Variants in TBPL1 observed in about 807,000 individuals in gnomAD.
The protein encoded by TBPL1 is TATA-box binding protein like 1, also known as TATA box-binding protein-like 1.
Under a neutral mutation model 22.1 loss-of-function variants are expected in TBPL1, and 4 were observed. The ratio of observed to expected loss-of-function variants is 0.18; its 90% CI spans 0.09 to 0.41. TBPL1 has a LOEUF of 0.41. Ranked by LOEUF, TBPL1 falls within the 10% of genes least tolerant of loss-of-function variation. The pLI, the probability that TBPL1 is intolerant of heterozygous loss-of-function variation, is 1.00. For missense variants in TBPL1, 115 were observed against 222.3 expected (o/e 0.52, Z 3.07); for synonymous variants, 64 against 71.0 (o/e 0.90, Z 0.50).
At chr6:133,960,670 T>C (rs1776005756) in intron 1 of TBPL1, among the ~76,000 whole-genome samples, 1 of 152,230 alleles carries the variant, frequency 6.6e-6, no homozygotes, top group Non-Finnish European at 1.5e-5. Flanking sequence ...ATATTTTTGC[T>C]GTCTCTTTGG....
chr6:133,986,611 G>A (rs2114397016), intron 6 of TBPL1, among the ~76,000 whole-genome samples: 1 of 152,258 alleles, frequency 6.6e-6, no homozygotes. Context: ...GAAGCCAGAT[G>A]ATAGTGACTT....
chr6:133,978,688 A>G (rs1776357112), intron 1 of TBPL1, among the ~76,000 whole-genome samples: 1 of 152,196 alleles, frequency 6.6e-6, no homozygotes, highest in Non-Finnish European at 1.5e-5. Context: ...GGTACAATTG[A>G]TACACAGAAT....
At chr6:133,984,881 C>G (rs1277374460) in intron 6 of TBPL1, among the ~76,000 whole-genome samples, 1 of 151,990 alleles carries the variant, frequency 6.6e-6, no homozygotes, top group Non-Finnish European at 1.5e-5. Flanking sequence ...TCTTTTTTCA[C>G]TCAGCATTAT....
intron 6 of TBPL1, chr6:133,985,969 A>G (rs1170328683): frequency 6.6e-6 from 1 of 152,236 alleles, no homozygotes; most frequent in Non-Finnish European, 1.5e-5. Flanking sequence ...TAATAAAACA[A>G]TGCATATGTA....
At chr6:133,965,412 T>A (rs993224526) in intron 1 of TBPL1, among the ~76,000 whole-genome samples, 2 of 152,206 alleles carry the variant, frequency 1.3e-5, no homozygotes, top group Non-Finnish European at 2.9e-5. Context: ...CTAATTTTCC[T>A]GCTTTTTTGC....
At chr6:133,961,465 C>CTTT (rs61695774) in intron 1 of TBPL1, among the ~76,000 whole-genome samples, 143 of 99,926 alleles carry the variant, frequency 1.4e-3, no homozygotes, top group Non-Finnish European at 1.8e-3. Flanking sequence ...TTCTTTCTTT[C>CTTT]TTTTTTTTTT....
In TBPL1 at chr6:133,971,013, T is replaced by C. The variant is rs972587825; in HGVS notation, c.-44-9069T>C. Reference sequence around the variant, plus strand: ...TTACTGTTCACCATGGTCACCCTACTGTGCAACAGAACACCATAACTTATT... The same window carrying C: ...TTACTGTTCACCATGGTCACCCTACCGTGCAACAGAACACCATAACTTATT... On this transcript the variant is annotated intron_variant, in intron 1 of 6. Transcript: ENST00000237264. 2.6e-5 allele frequency among the ~76,000 whole-genome samples: 4 copies of C among 152,222 alleles called. No homozygotes were observed. In the East Asian group the frequency reaches 7.7e-4, roughly 29 times the overall value.
rs2268067 is a variant in TBPL1 at position 133,981,874 on chromosome 6, T to G, written c.136-694T>G. 8.4e-3 allele frequency among the ~76,000 whole-genome samples: 1,280 copies of G among 152,350 alleles called. 38 individuals are homozygous for G. The highest frequency in any genetic ancestry group is 0.062 in the Admixed American group (947 of 15,298). ...TTCTTGGAGCTTAGTCCTTGACCTA[T>G]TTATACACACTCTGTAGTTATTTCA... On this transcript the variant is annotated intron_variant, in intron 2 of 6. Coordinates refer to ENST00000237264, the MANE Select transcript of TBPL1 (RefSeq NM_004865.4).
intron 1 of TBPL1, among the ~76,000 whole-genome samples, chr6:133,958,995 G>T (rs1374421633): frequency 1.3e-5 from 2 of 152,036 alleles, no homozygotes; most frequent in African/African-American, 2.4e-5. Flanking sequence ...AATAGATAGA[G>T]ATATATATTT....
At chr6:133,978,061 T>C (rs187482042) in intron 1 of TBPL1, among the ~76,000 whole-genome samples, 5 of 152,266 alleles carry the variant, frequency 3.3e-5, no homozygotes, top group Middle Eastern at 6.8e-3. Context: ...CTATAGTATT[T>C]TATTTCTGCC....
chr6:133,954,391 C>T (rs929085271), intron 1 of TBPL1, among the ~76,000 whole-genome samples: 1 of 152,226 alleles, frequency 6.6e-6, no homozygotes, highest in African/African-American at 2.4e-5. Flanking sequence ...AAGGTTCAGC[C>T]ATCCTGGCAT....
At position 133,954,306 on chromosome 6, in the gene TBPL1, A is replaced by C. The variant is rs192151470; in HGVS notation, c.-45+881A>C. On this transcript the variant is annotated intron_variant, in intron 1 of 6. Transcript: ENST00000237264. ...AACAGTGCCTTAAAACTGTGACTTA[A>C]GAAAAGGGAGCAGGTTTGCGTGTGT... Among the ~76,000 whole-genome samples, 34 of 152,294 alleles carry C rather than the reference A, an allele frequency of 2.2e-4. 1 individual carries two copies. In the East Asian group the frequency reaches 5.4e-3, roughly 24 times the overall value.
At chr6:133,958,201 GT>G (rs1775959749) in intron 1 of TBPL1, among the ~76,000 whole-genome samples, 1 of 152,158 alleles carries the variant, frequency 6.6e-6, no homozygotes, top group South Asian at 2.1e-4. Context: ...GACTTGACTT[GT>G]TTAGCTGTAT....
Position 133,984,654 on chromosome 6 carries a change from G to C in TBPL1, c.464G>C (p.Gly155Ala). Residue 155 changes from glycine to alanine, a missense_variant, in exon 6 of 7, where the codon GGA becomes GCA. Physicochemically the swap from Gly to Ala is moderately conservative, Grantham distance 60 (BLOSUM62 0). Transcript: ENST00000237264. ...LRATLQIFSTGSITVTGPNVK... is the reference protein window; with the variant it reads ...LRATLQIFSTASITVTGPNVK... ...GCTACATTACAGATTTTTTCAACAG[G>C]AAGTATCACAGTAACAGGTATTCTA... 1 of 1,611,772 alleles carries C rather than the reference G, an allele frequency of 6.2e-7. No homozygotes were observed. The highest frequency in any genetic ancestry group is 8.5e-7 in the Non-Finnish European group (1 of 1,179,286).
At chr6:133,952,765 G>A (rs1775854461), upstream of TBPL1, 1 of 152,160 alleles carries the variant, frequency 6.6e-6, no homozygotes, top group African/African-American at 2.4e-5. The surrounding 1 kb of genome is among the most constrained non-coding windows in gnomAD (Gnocchi z 4.5). Flanking sequence ...ATAATGGGGG[G>A]TGGGGAGGAC....
At chr6:133,973,638 A>G (rs1016335135) in intron 1 of TBPL1, among the ~76,000 whole-genome samples, 4 of 152,236 alleles carry the variant, frequency 2.6e-5, no homozygotes, top group African/African-American at 4.8e-5. Context: ...TTTGAATACC[A>G]CTAGAAAGAG....
At chr6:133,967,222 A>C (rs1362409782) in intron 1 of TBPL1, among the ~76,000 whole-genome samples, 1 of 152,194 alleles carries the variant, frequency 6.6e-6, no homozygotes, top group Non-Finnish European at 1.5e-5. Context: ...TTAGATTTCC[A>C]GTTCATTGTT....
intron 1 of TBPL1, among the ~76,000 whole-genome samples, chr6:133,963,725 T>G (rs1186753519): frequency 6.6e-6 from 1 of 151,978 alleles, no homozygotes; most frequent in Non-Finnish European, 1.5e-5. Flanking sequence ...CCTGTCCTTG[T>G]CTTTTTCTTG....
chr6:133,976,532 T>C (rs1435858624), intron 1 of TBPL1, among the ~76,000 whole-genome samples: 3 of 152,226 alleles, frequency 2.0e-5, no homozygotes, highest in Non-Finnish European at 4.4e-5. Flanking sequence ...TTATTGTTTT[T>C]CTTGTTTTAA....
Sources: gnomAD v4.1 joint callset for allele counts (sites outside exome capture counted in the v4.1 genomes callset) on GRCh38, gnomAD v4.1.1 for gene constraint, Gnocchi (gnomAD v3.1) non-coding constraint, MANE v1.5 for transcripts, NCBI Gene and HGNC (gene_info 2026-07-23, HGNC 2026-07-21) for gene names.